The following RPS20 variants were observed in gnomAD, a reference collection of about 807,000 sequenced individuals.
The protein encoded by RPS20 is small ribosomal subunit protein uS10.
A neutral mutation model predicts 15.3 loss-of-function variants in RPS20; 3 were observed. That is an observed-to-expected ratio of 0.20 (90% CI 0.09 to 0.51). The LOEUF is 0.51. Ranked by LOEUF, RPS20 falls within the 20% of genes least tolerant of loss-of-function variation. The pLI is 0.96. For missense variants in RPS20, 67 were observed against 145.9 expected, an observed-to-expected ratio of 0.46 and a Z score of 2.79; for synonymous variants, 62 against 47.8, an observed-to-expected ratio of 1.30 and a Z score of -1.23.
chr8:56,071,441 A>C (rs781689795), downstream of RPS20, among the ~76,000 whole-genome samples: 1 of 152,226 alleles, frequency 6.6e-6, no homozygotes, highest in Non-Finnish European at 1.5e-5. Flanking sequence ...TAAATTTAGC[A>C]ATGTGGCATA....
At chr8:56,070,406 G>GCATA (rs545732314), downstream of RPS20, among the ~76,000 whole-genome samples, 85 of 152,274 alleles carry the variant, frequency 5.6e-4, no homozygotes, top group Middle Eastern at 3.4e-3. Flanking sequence ...CATCCACAGA[G>GCATA]CATACACACA....
downstream of RPS20, among the ~76,000 whole-genome samples, chr8:56,072,370 G>A (rs1008405788): frequency 2.0e-5 from 3 of 152,002 alleles, no homozygotes; most frequent in Admixed American, 2.0e-4. Flanking sequence ...TGAACAACAG[G>A]ACAAAACCCC....
rs764208924 is a variant in RPS20, at chr8:56,074,173, C to T, written c.4-14G>A. 17 of 1,604,424 alleles carry T rather than the reference C, an allele frequency of 1.1e-5. No homozygotes were observed. The Middle Eastern group carries it at 2.5e-3, about 234-fold the overall frequency. ...ATCCTTAAAAGCCTATTATTAGATA[C>T]ATGAAAAAGAACAATAAGCCAAAAA... On this transcript the variant is annotated splice_polypyrimidine_tract_variant and intron_variant, in intron 1 of 3. Coordinates refer to ENST00000009589, the MANE Select transcript of RPS20 (RefSeq NM_001023.4).
downstream of RPS20, chr8:56,069,836 G>A (rs1383070802): frequency 1.4e-6 from 2 of 1,445,446 alleles, no homozygotes; most frequent in Non-Finnish European, 1.9e-6. Flanking sequence ...TCGATCAACT[G>A]TAGATCAAAA....
exon 6 of RPS20, chr8:56,067,685 G>GAA (rs374091971): frequency 1.5e-5 from 2 of 136,400 alleles, no homozygotes; most frequent in African/African-American, 2.7e-5. Flanking sequence ...GACTCCGTCT[G>GAA]AAAAAAAAAA....
chr8:56,073,349 C>A lies in RPS20; in HGVS notation c.178-77G>T, dbSNP rs554329892. 2.8e-5 allele frequency: 26 copies of A among 917,504 alleles called. 1 individual carries two copies. The South Asian group carries it at 3.7e-4, about 13-fold the overall frequency. 56.8% of individuals were successfully genotyped at this position (917,504 alleles called of 1,614,324 possible). On this transcript the variant is annotated intron_variant, in intron 3 of 3. Coordinates refer to ENST00000009589, the MANE Select transcript of RPS20 (RefSeq NM_001023.4). Reference sequence around the variant, plus strand: ...TAGAACATCTGGAAAATCATTACTTCTAATCATTTCATTAGTTTCCCTTTG... The same window carrying A: ...TAGAACATCTGGAAAATCATTACTTATAATCATTTCATTAGTTTCCCTTTG...
In RPS20 at chr8:56,073,998, C is replaced by T. The variant is rs1325569679; in HGVS notation, c.103+62G>A. 5.3e-6 allele frequency: 7 copies of T among 1,316,310 alleles called. No individual in the cohort carries two copies. In the East Asian group the frequency reaches 1.2e-4, roughly 22 times the overall value. The allele number at this position is 1,316,310 out of a possible 1,614,324, so 81.5% of individuals were successfully genotyped here. On this transcript the variant is annotated intron_variant, in intron 2 of 3. Coordinates refer to ENST00000009589, the MANE Select transcript of RPS20 (RefSeq NM_001023.4). ...AGTCCACCTTCTACACTAACATTAA[C>T]GAGTAAAGCTCGTCGCTTTTCGCCC...
intron 3 of RPS20, 93 bp downstream of exon 3, chr8:56,073,602 T>A (rs1322185686): frequency 2.0e-6 from 2 of 998,966 alleles, no homozygotes; most frequent in East Asian, 2.4e-5. Flanking sequence ...AGCATCAGTG[T>A]TAACAATTTT....
In RPS20 at chr8:56,074,051, T is replaced by C. The variant is rs762041215; in HGVS notation, c.103+9A>G. On this transcript the variant is annotated intron_variant, in intron 2 of 3. Coordinates refer to ENST00000009589, the MANE Select transcript of RPS20 (RefSeq NM_001023.4). ...TTCCCCCTCCCCCCCGCATAACGAA[T>C]GCACTGACCCTTTTCCAAGGATTTT... The C allele has an allele frequency of 6.2e-6, 10 of 1,603,988 alleles. No homozygotes were observed. The Admixed American group carries it at 6.7e-5, about 11-fold the overall frequency.
downstream of RPS20, chr8:56,072,862 G>A (rs1809803126): frequency 3.2e-6 from 4 of 1,242,194 alleles, no homozygotes; most frequent in African/African-American, 3.0e-5. Context: ...AACTGCCAGT[G>A]TCCAATAAAA....
intron 1 of RPS20, 86 bp from the exon 2 acceptor site, chr8:56,074,245 T>C (rs1331682179): frequency 6.5e-7 from 1 of 1,528,314 alleles, no homozygotes; most frequent in Non-Finnish European, 9.0e-7. Flanking sequence ...GCTTCCCGCG[T>C]TTCCCCACCA....
chr8:56,071,252 T>A (rs1275026713), downstream of RPS20, among the ~76,000 whole-genome samples: 1 of 152,138 alleles, frequency 6.6e-6, no homozygotes, highest in Non-Finnish European at 1.5e-5. Context: ...TTTAGTGACA[T>A]TTTTTTCAGA....
At position 56,073,774 on chromosome 8, in the gene RPS20, G is replaced by A. The variant is rs768230195; in HGVS notation, c.104-6C>T. 6 of 1,613,018 alleles carry A rather than the reference G, an allele frequency of 3.7e-6. No homozygotes were observed. The highest frequency in any genetic ancestry group is 4.5e-5 in the East Asian group (2 of 44,896). On this transcript the variant is annotated splice_region_variant and splice_polypyrimidine_tract_variant and intron_variant, in intron 2 of 3. Transcript: ENST00000009589. ...TCTTATCAAGTCAGCACACACTACA[G>A]GAAATAAAAGACCTCTCAGTATAAT...
downstream of RPS20, chr8:56,069,863 T>A: frequency 1.8e-6 from 2 of 1,081,626 alleles, no homozygotes; most frequent in Non-Finnish European, 2.8e-6. Flanking sequence ...AGAAAAAAAA[T>A]TGTCTCTACT....
downstream of RPS20, among the ~76,000 whole-genome samples, chr8:56,071,640 T>C (rs996653597): frequency 6.6e-6 from 1 of 152,186 alleles, no homozygotes; most frequent in Non-Finnish European, 1.5e-5. Context: ...ACAGAGCTTC[T>C]GGGAGGGAAG....
intron 1 of RPS20, 32 bp downstream of exon 1, chr8:56,074,349 G>T (rs1156312377): frequency 6.5e-7 from 1 of 1,550,038 alleles, no homozygotes. Flanking sequence ...CGAGCCCTGC[G>T]TTGCGCCGCC....
downstream of RPS20, chr8:56,068,331 A>C (rs1809662556): frequency 6.6e-6 from 1 of 152,182 alleles, no homozygotes; most frequent in East Asian, 1.9e-4. Flanking sequence ...TGAGCTCAGG[A>C]GTTCGAGACT....
chr8:56,072,558 C>CAAA (rs376974506), downstream of RPS20, among the ~76,000 whole-genome samples: 70 of 138,974 alleles, frequency 5.0e-4, no homozygotes, highest in Middle Eastern at 3.6e-3. Context: ...TCCCCCCCCC[C>CAAA]AAAAAAAAAA....
rs769074027 is a variant in RPS20, at chr8:56,074,281, C to A, written c.3+100G>T. 9 of 1,535,052 alleles carry A rather than the reference C, an allele frequency of 5.9e-6. No homozygotes were observed. The South Asian group carries it at 9.1e-5, about 15-fold the overall frequency. ...TTTCAGGAGCGCCTTTCCGCCCCTACACGCCCCGGCATCTGCCCTCAGGAG... is the reference window on the plus strand; with the variant it reads ...TTTCAGGAGCGCCTTTCCGCCCCTAAACGCCCCGGCATCTGCCCTCAGGAG... On this transcript the variant is annotated intron_variant, in intron 1 of 3. Coordinates refer to ENST00000009589, the MANE Select transcript of RPS20 (RefSeq NM_001023.4).
Sources: allele counts gnomAD v4.1 joint callset (sites outside exome capture counted in the v4.1 genomes callset), GRCh38; gene constraint gnomAD v4.1.1; transcripts MANE v1.5; gene names NCBI Gene and HGNC (gene_info 2026-07-23, HGNC 2026-07-21).